The following SLC6A6 variants were observed in gnomAD, a reference collection of about 807,000 sequenced individuals.
The protein encoded by SLC6A6 is sodium- and chloride-dependent taurine transporter.
Under a neutral mutation model 68.8 loss-of-function variants are expected in SLC6A6, and 16 were observed. The observed-to-expected ratio is 0.23, with a 90% confidence interval of 0.16 to 0.35. The LOEUF is 0.35. Among genes scored for constraint, SLC6A6 ranks in the 10% least tolerant of loss-of-function variants. The pLI is 1.00. For synonymous variants in SLC6A6, 312 were observed against 315.4 expected (o/e 0.99, Z 0.12); for missense variants, 474 against 802.8 (o/e 0.59, Z 4.95).
Position 14,450,862 on chromosome 3 carries a change from T to A in SLC6A6, c.599+3046T>A, listed in dbSNP as rs1700236473. ...GAATAGTTGACTCCTGTGAGCATAGTACTAGGAACTTGCCCCTGTCATTTC... is the reference window on the plus strand; with the variant it reads ...GAATAGTTGACTCCTGTGAGCATAGAACTAGGAACTTGCCCCTGTCATTTC... On this transcript the variant is annotated intron_variant, in intron 5 of 14. Coordinates refer to ENST00000622186, the MANE Select transcript of SLC6A6 (RefSeq NM_003043.6). This position sits in a 1 kb window ranked among gnomAD's most constrained non-coding sequence, Gnocchi z 4.1. Among the ~76,000 whole-genome samples the A allele has an allele frequency of 6.6e-6, 1 of 152,214 alleles. No homozygotes were observed. The highest frequency in any genetic ancestry group is 1.5e-5 in the Non-Finnish European group (1 of 68,040).
At chr3:14,422,670 T>A (rs1001224608) in intron 2 of SLC6A6, among the ~76,000 whole-genome samples, 1 of 151,870 alleles carries the variant, frequency 6.6e-6, no homozygotes, top group African/African-American at 2.4e-5. Context: ...AGAGGTAGAG[T>A]TGCATCCCTG....
At chr3:14,452,207 A>G (rs1700268104) in intron 5 of SLC6A6, among the ~76,000 whole-genome samples, 2 of 151,924 alleles carry the variant, frequency 1.3e-5, no homozygotes. Context: ...TTGTGGGGGG[A>G]GACAAAGCTC....
At chr3:14,453,017 A>G (rs1392678003) in intron 5 of SLC6A6, among the ~76,000 whole-genome samples, 1 of 152,258 alleles carries the variant, frequency 6.6e-6, no homozygotes, top group Non-Finnish European at 1.5e-5. Context: ...AGGCCTGCTC[A>G]GCCAATCTTC....
chr3:14,475,369 G>A (rs951809445), intron 10 of SLC6A6, among the ~76,000 whole-genome samples: 2 of 152,050 alleles, frequency 1.3e-5, no homozygotes, highest in Non-Finnish European at 2.9e-5. Context: ...GAGAGGAGAT[G>A]AGAGTTGGAA....
rs1701131936 is a variant in SLC6A6 at position 14,485,408 on chromosome 3, T to A, written c.*401T>A. The A allele has an allele frequency of 6.4e-6, 1 of 156,264 alleles. No homozygotes were observed. The highest frequency in any genetic ancestry group is 1.9e-4 in the South Asian group (1 of 5,132). The allele number at this position is 156,264 out of a possible 1,614,324, so 9.7% of individuals were successfully genotyped here. On this transcript the variant is annotated 3_prime_UTR_variant, in exon 15 of 15. Coordinates refer to ENST00000622186, the MANE Select transcript of SLC6A6 (RefSeq NM_003043.6). The stretch of plus-strand genomic sequence containing the variant: ...ATCTTCTTGCCAGCAATAGATCTCA[T>A]TTTCAAAAGCAATTCTTCGGTGCTG...
intron 10 of SLC6A6, among the ~76,000 whole-genome samples, chr3:14,473,799 A>G (rs1021328146): frequency 1.3e-5 from 2 of 152,260 alleles, no homozygotes; most frequent in Admixed American, 6.5e-5. Flanking sequence ...AATGGCTTTT[A>G]TAACTTCTTC....
chr3:14,425,333 A>G lies in SLC6A6; in HGVS notation c.-12+8880A>G, dbSNP rs1574918260. On this transcript the variant is annotated intron_variant, in intron 2 of 14. Coordinates refer to ENST00000622186, the MANE Select transcript of SLC6A6 (RefSeq NM_003043.6). ...ATAGGCAAAGGGTGGAACTAGGCAA[A>G]CCTTATTTGGGAAACAGAGTCCCGC... Among the ~76,000 whole-genome samples the G allele has an allele frequency of 2.0e-5, 3 of 152,124 alleles. No homozygotes were observed. In the East Asian group the frequency reaches 5.8e-4, roughly 29 times the overall value.
At chr3:14,462,468 AG>A (rs1474906668) in intron 6 of SLC6A6, among the ~76,000 whole-genome samples, 1 of 152,132 alleles carries the variant, frequency 6.6e-6, no homozygotes, top group Non-Finnish European at 1.5e-5. Context: ...GGAGCCGAGG[AG>A]GGCAGATTGC....
chr3:14,451,812 G>T (rs1457727694), intron 5 of SLC6A6, among the ~76,000 whole-genome samples: 2 of 152,166 alleles, frequency 1.3e-5, no homozygotes, highest in African/African-American at 4.8e-5. Flanking sequence ...GGTTTCTCTC[G>T]AGTGAATCTT....
In SLC6A6 at chr3:14,483,272, C is replaced by T. The variant is rs542261397; in HGVS notation, c.1722+1431C>T. On this transcript the variant is annotated intron_variant, in intron 14 of 14. Coordinates refer to ENST00000622186, the MANE Select transcript of SLC6A6 (RefSeq NM_003043.6). ...TCCTCCTGTGCCAGTCTGACTTCAC[C>T]AAAGGCCCCTGTGAAGGCAGTTGAG... is the stretch of plus-strand genomic sequence containing the variant. Among the ~76,000 whole-genome samples, 557 of 152,302 alleles carry T rather than the reference C, an allele frequency of 3.7e-3. 3 individuals are homozygous for T. Among genetic ancestry groups the T allele is most frequent in the African/African-American group, 0.013 (528 of 41,556 alleles).
chr3:14,435,207 G>A (rs1699824485), intron 2 of SLC6A6, among the ~76,000 whole-genome samples: 1 of 152,192 alleles, frequency 6.6e-6, no homozygotes, highest in African/African-American at 2.4e-5. Context: ...CTGTAGCTGT[G>A]GGACCTGGGA....
chr3:14,436,245 G>A (rs1177655148), intron 2 of SLC6A6, among the ~76,000 whole-genome samples: 2 of 152,098 alleles, frequency 1.3e-5, no homozygotes, highest in African/African-American at 4.8e-5. Context: ...CTGTCACCCA[G>A]CCTGGAGTGA....
chr3:14,420,097 C>T lies in SLC6A6; in HGVS notation c.-12+3644C>T, dbSNP rs183266499. Among the ~76,000 whole-genome samples the T allele has an allele frequency of 2.0e-3, 310 of 152,330 alleles. 2 individuals are homozygous for T. The highest frequency in any genetic ancestry group is 3.4e-3 in the Middle Eastern group (1 of 294). The stretch of plus-strand genomic sequence containing the variant: ...CATTCGCTTCCTAGAAGGCTCAAGA[C>T]CGTAATAAAATGATATTTATTATTT... On this transcript the variant is annotated intron_variant, in intron 2 of 14. Coordinates refer to ENST00000622186, the MANE Select transcript of SLC6A6 (RefSeq NM_003043.6).
In SLC6A6 at chr3:14,426,439, G is replaced by T. The variant is rs574121681; in HGVS notation, c.-12+9986G>T. The stretch of plus-strand genomic sequence containing the variant: ...CCTGCAGCCCAGGGAGCTGGGATTG[G>T]CCACGAGGTTGGAGGATTTTGCATA... On this transcript the variant is annotated intron_variant, in intron 2 of 14. Transcript: ENST00000622186. 3.6e-4 allele frequency among the ~76,000 whole-genome samples: 55 copies of T among 152,346 alleles called. 1 individual carries two copies. The highest frequency in any genetic ancestry group is 1.3e-3 in the African/African-American group (53 of 41,586).
At chr3:14,403,110 G>C (rs1699025399) in intron 1 of SLC6A6, among the ~76,000 whole-genome samples, 1 of 145,288 alleles carries the variant, frequency 6.9e-6, no homozygotes, top group Non-Finnish European at 1.5e-5. Flanking sequence ...GTGTGTGTGT[G>C]TGTGTGTGTG....
chr3:14,407,351 G>A (rs1415579928), intron 1 of SLC6A6, among the ~76,000 whole-genome samples: 1 of 152,104 alleles, frequency 6.6e-6, no homozygotes, highest in African/African-American at 2.4e-5. Flanking sequence ...TTTACATGCA[G>A]TAATATGCAA....
In SLC6A6 at chr3:14,422,333, G is replaced by A. The variant is rs140305179; in HGVS notation, c.-12+5880G>A. ...ACACTTGCTGGCAGAGCTGGGACAA[G>A]TCACTAACCCTCTGTGTGACCTCTG... On this transcript the variant is annotated intron_variant, in intron 2 of 14. Transcript: ENST00000622186. Among the ~76,000 whole-genome samples the A allele has an allele frequency of 1.5e-3, 223 of 152,294 alleles. 1 individual carries two copies. The highest frequency in any genetic ancestry group is 2.8e-3 in the Non-Finnish European group (193 of 68,014).
chr3:14,407,794 C>T (rs887488209), intron 1 of SLC6A6, among the ~76,000 whole-genome samples: 1 of 152,204 alleles, frequency 6.6e-6, no homozygotes, highest in African/African-American at 2.4e-5. Context: ...GCATGCCCCA[C>T]CATACCAGGC....
rs1487617055 is a variant in SLC6A6, at chr3:14,450,038, C to A, written c.599+2222C>A. Among the ~76,000 whole-genome samples, 1 of 152,232 alleles carries A rather than the reference C, an allele frequency of 6.6e-6. No individual in the cohort carries two copies. Among genetic ancestry groups the A allele is most frequent in the Non-Finnish European group, 1.5e-5 (1 of 68,040 alleles). ...GTGCTGGGATTACAGGCGTGAGCCA[C>A]TGTGCCTGGCCAGAATCCATTATTA... is the stretch of plus-strand genomic sequence containing the variant. On this transcript the variant is annotated intron_variant, in intron 5 of 14. Coordinates refer to ENST00000622186, the MANE Select transcript of SLC6A6 (RefSeq NM_003043.6). The surrounding 1 kb of genome is among the most constrained non-coding windows in gnomAD (Gnocchi z 4.1).
Sources: gnomAD v4.1 joint callset for allele counts (sites outside exome capture counted in the v4.1 genomes callset) on GRCh38, gnomAD v4.1.1 for gene constraint, Gnocchi (gnomAD v3.1) non-coding constraint, MANE v1.5 for transcripts, NCBI Gene and HGNC (gene_info 2026-07-23, HGNC 2026-07-21) for gene names.